The following TNFSF10 variants were observed in gnomAD, a reference collection of about 807,000 sequenced individuals.
TNFSF10 encodes TNF superfamily member 10.
A neutral mutation model predicts 29.5 loss-of-function variants in TNFSF10; 13 were observed. The observed-to-expected ratio is 0.44, with a 90% confidence interval of 0.29 to 0.70. The LOEUF (loss-of-function observed/expected upper bound fraction) is 0.70. TNFSF10 is among the 30% of genes least tolerant of loss of function. The pLI, the probability that TNFSF10 is intolerant of heterozygous loss-of-function variation, is 0.13. For missense variants in TNFSF10, 345 were observed against 330.9 expected (o/e 1.04, Z -0.33); for synonymous variants, 111 against 112.8 (o/e 0.98, Z 0.10).
chr3:172,516,961 G>A (rs528021143), intron 1 of TNFSF10, among the ~76,000 whole-genome samples: 5 of 152,380 alleles, frequency 3.3e-5, no homozygotes, highest in African/African-American at 9.6e-5. Context: ...AGTTCACTCA[G>A]TATGAGTTGG....
chr3:172,514,616 G>A (rs1713355357), intron 2 of TNFSF10, among the ~76,000 whole-genome samples: 1 of 152,144 alleles, frequency 6.6e-6, no homozygotes, highest in Non-Finnish European at 1.5e-5. Flanking sequence ...GACTAGATGT[G>A]GAGGCTGTCC....
At position 172,505,622 on chromosome 3, in the gene TNFSF10, C is replaced by G. The variant is rs1331169258; in HGVS notation, c.*870G>C. On this transcript the variant is annotated 3_prime_UTR_variant, in exon 5 of 5. Coordinates refer to ENST00000241261, the MANE Select transcript of TNFSF10 (RefSeq NM_003810.4). ...TTTTAGTAATCTTGATATTATGAAA[C>G]AAGTGAGTACTAAAACAAAAACAAC... The G allele has an allele frequency of 6.6e-6, 1 of 151,352 alleles. No individual in the cohort carries two copies. 9.4% of individuals were successfully genotyped at this position (151,352 alleles called of 1,614,324 possible).
chr3:172,506,449 T>G lies in TNFSF10; in HGVS notation c.*43A>C. The G allele has an allele frequency of 6.5e-7, 1 of 1,540,196 alleles. No homozygotes were observed. Among genetic ancestry groups the G allele is most frequent in the Non-Finnish European group, 8.7e-7 (1 of 1,147,968 alleles). ...CTTCATAGTGTATCATCCTGAAAACTGAATAGTCACTTTGAGGTTATTGCT... is the reference window on the plus strand; with the variant it reads ...CTTCATAGTGTATCATCCTGAAAACGGAATAGTCACTTTGAGGTTATTGCT... On this transcript the variant is annotated 3_prime_UTR_variant, in exon 5 of 5. Coordinates refer to ENST00000241261, the MANE Select transcript of TNFSF10 (RefSeq NM_003810.4).
chr3:172,507,173 T>C, intron 4 of TNFSF10: 1 of 465,440 alleles, frequency 2.1e-6, no homozygotes, highest in South Asian at 3.1e-5. Context: ...TGTCAGCTGC[T>C]TATGCCACAT....
chr3:172,513,488 C>T (rs988018172), intron 2 of TNFSF10, among the ~76,000 whole-genome samples: 4 of 152,162 alleles, frequency 2.6e-5, no homozygotes, highest in Non-Finnish European at 5.9e-5. Context: ...GGAGCAATGC[C>T]GCCAGGGCAG....
rs1713116606 is a variant in TNFSF10, at chr3:172,509,129, T to C, written c.418+88A>G. 10 of 1,109,634 alleles carry C rather than the reference T, an allele frequency of 9.0e-6. No individual in the cohort carries two copies. The East Asian group carries it at 2.2e-4, about 25-fold the overall frequency. The allele number at this position is 1,109,634 out of a possible 1,614,324, so 68.7% of individuals were successfully genotyped here. The stretch of plus-strand genomic sequence containing the variant: ...CATTTTGTAGATAGCCATATAAACA[T>C]TTCAGATAAAATTCTTTAAAAAATA... On this transcript the variant is annotated intron_variant, in intron 4 of 4. Transcript: ENST00000241261.
Position 172,523,304 on chromosome 3 carries a change from C to T in TNFSF10, c.81G>A (p.Gln27=). The change falls in exon 1 of 5, where the codon CAG becomes CAA. Residue 27 remains glutamine, a synonymous_variant. Transcript: ENST00000241261. ...VLIVIFTVLL[Q]SLCVAVTYVY... ...CGTAAGTTACAGCCACACAGAGAGACTGCAGGAGCACTGTGAAGATCACGA... is the reference window on the plus strand; with the variant it reads ...CGTAAGTTACAGCCACACAGAGAGATTGCAGGAGCACTGTGAAGATCACGA... The T allele has an allele frequency of 6.2e-7, 1 of 1,614,128 alleles. No individual in the cohort carries two copies. Among genetic ancestry groups the T allele is most frequent in the Non-Finnish European group, 8.5e-7 (1 of 1,179,964 alleles).
At chr3:172,519,607 C>A (rs1713593818) in intron 1 of TNFSF10, among the ~76,000 whole-genome samples, 2 of 152,214 alleles carry the variant, frequency 1.3e-5, no homozygotes, top group South Asian at 4.1e-4. Context: ...AAAAGAAAAT[C>A]TTTTCTAAAT....
At position 172,506,658 on chromosome 3, in the gene TNFSF10, C is replaced by G. The variant is rs755195766; in HGVS notation, c.680G>C (p.Arg227Thr). 1 of 1,614,174 alleles carries G rather than the reference C, an allele frequency of 6.2e-7. No homozygotes were observed. Among genetic ancestry groups the G allele is most frequent in the Non-Finnish European group, 8.5e-7 (1 of 1,180,034 alleles). ...TGCATCTTTAGACCAACAACTATTT[C>G]TAGCACTTTTCATCAACAATATAGG... is the stretch of plus-strand genomic sequence containing the variant. ...PDPILLMKSA[R>T]NSCWSKDAEY... Residue 227 changes from arginine (R) to threonine (T), a missense_variant, in exon 5 of 5, where the codon AGA (arginine) becomes ACA (threonine). Transcript: ENST00000241261.
intron 2 of TNFSF10, among the ~76,000 whole-genome samples, chr3:172,512,801 TAA>T (rs1429932181): frequency 6.6e-6 from 1 of 152,160 alleles, no homozygotes; most frequent in Non-Finnish European, 1.5e-5. Context: ...GGAGGCAAAA[TAA>T]AAAGAGTGAC....
At chr3:172,517,652 G>T (rs1016201498) in intron 1 of TNFSF10, 15 of 985,248 alleles carry the variant, frequency 1.5e-5, no homozygotes, top group Non-Finnish European at 1.8e-5. Context: ...CAGACTGTGT[G>T]TGTGCATAAT....
intron 1 of TNFSF10, among the ~76,000 whole-genome samples, chr3:172,521,708 G>T (rs890613246): frequency 6.6e-6 from 1 of 152,152 alleles, no homozygotes; most frequent in Non-Finnish European, 1.5e-5. Flanking sequence ...ATACCCAAAG[G>T]ATTATAAATC....
Position 172,511,611 on chromosome 3 carries a change from T to A in TNFSF10, c.313+6A>T. ...AAAATTAAAATAACAACAAAAAAGA[T>A]ACTACCTTGAACTGTAGAAATGGTT... On this transcript the variant is annotated splice_donor_region_variant and intron_variant, in intron 3 of 4. Coordinates refer to ENST00000241261, the MANE Select transcript of TNFSF10 (RefSeq NM_003810.4). 6.2e-7 allele frequency: 1 copy of A among 1,605,326 alleles called. No homozygotes were observed. Among genetic ancestry groups the A allele is most frequent in the Admixed American group, 1.7e-5 (1 of 59,068 alleles).
intron 1 of TNFSF10, among the ~76,000 whole-genome samples, chr3:172,515,766 A>C (rs1323710882): frequency 1.3e-5 from 2 of 152,046 alleles, no homozygotes; most frequent in African/African-American, 4.8e-5. Context: ...ATAAACACAC[A>C]CACACACCCA....
intron 4 of TNFSF10, 78 bp from the exon 5 acceptor site, chr3:172,506,997 C>G: frequency 7.6e-7 from 1 of 1,315,208 alleles, no homozygotes; most frequent in South Asian, 1.6e-5. Context: ...GCAGCTGTGG[C>G]CAGCCTATAT....
At chr3:172,508,844 G>A (rs1301245018) in intron 4 of TNFSF10, among the ~76,000 whole-genome samples, 1 of 151,648 alleles carries the variant, frequency 6.6e-6, no homozygotes, top group Non-Finnish European at 1.5e-5. Context: ...AGCCGAGATG[G>A]TGCCATTGCA....
intron 1 of TNFSF10, among the ~76,000 whole-genome samples, chr3:172,518,925 T>C (rs1034443008): frequency 4.6e-5 from 6 of 129,092 alleles, no homozygotes; most frequent in African/African-American, 1.6e-4. Flanking sequence ...TGTATTGTAT[T>C]GAAAAAATGT....
rs1370120334 is a variant in TNFSF10, at chr3:172,514,896, G to T, written c.235C>A (p.Gln79Lys). The stretch of plus-strand genomic sequence containing the variant: ...AGCTGACGGAGTTGCCACTTGACTT[G>T]CCAGCAGGGGCTGTTCATACTCTCT... The part of the protein sequence containing the change: ...DEESMNSPCW[Q>K]VKWQLRQLVR... Residue 79 changes from glutamine (Q) to lysine (K), a missense_variant, in exon 2 of 5, where the codon CAA becomes AAA. Transcript: ENST00000241261. The T allele has an allele frequency of 1.2e-6, 2 of 1,614,166 alleles. No individual in the cohort carries two copies. Among genetic ancestry groups the T allele is most frequent in the Non-Finnish European group, 1.7e-6 (2 of 1,180,020 alleles).
chr3:172,522,302 G>A (rs1257428967), intron 1 of TNFSF10: 3 of 759,966 alleles, frequency 3.9e-6, no homozygotes, highest in Non-Finnish European at 7.2e-6. Context: ...ATCCTGCTGT[G>A]TGCTATTGGA....
Sources: allele counts gnomAD v4.1 joint callset (sites outside exome capture counted in the v4.1 genomes callset), GRCh38; gene constraint gnomAD v4.1.1; transcripts MANE v1.5; gene names NCBI Gene and HGNC (gene_info 2026-07-23, HGNC 2026-07-21).